The following B3GALT1 variants were observed in gnomAD, a reference collection of about 807,000 sequenced individuals.
B3GALT1 encodes the protein beta-1,3-galactosyltransferase 1, also known as UDP-Gal:betaGlcNAc beta 1,3-galactosyltransferase, polypeptide 1.
Under a neutral mutation model 23.2 loss-of-function variants are expected in B3GALT1, and 10 were observed. That is an observed-to-expected ratio of 0.43 (90% confidence interval 0.27 to 0.73). The LOEUF (loss-of-function observed/expected upper bound fraction) is 0.73. Among genes scored for constraint, B3GALT1 ranks in the 30% least tolerant of loss-of-function variants. The probability of loss-of-function intolerance (pLI) is 0.21; values close to 1 mark genes in which losing one functional copy is unlikely to be tolerated. For synonymous variants in B3GALT1, 156 were observed against 141.5 expected, an observed-to-expected ratio of 1.10 and a Z score of -0.73; for missense variants, 299 against 405.4, an observed-to-expected ratio of 0.74 and a Z score of 2.25.
intron 1 of B3GALT1, among the ~76,000 whole-genome samples, chr2:167,339,715 C>T (rs1053909674): frequency 1.3e-5 from 2 of 151,434 alleles, no homozygotes; most frequent in Non-Finnish European, 2.9e-5. Flanking sequence ...ATAAGCTTCC[C>T]ATTTCGAAGA....
intron 3 of B3GALT1, among the ~76,000 whole-genome samples, chr2:167,733,689 G>A (rs1372668704): frequency 6.6e-6 from 1 of 152,212 alleles, no homozygotes; most frequent in Non-Finnish European, 1.5e-5. Context: ...TGGAAGGCTA[G>A]TTGCTGATGA....
At chr2:167,537,362 A>G (rs1019104367) in intron 2 of B3GALT1, among the ~76,000 whole-genome samples, 1 of 152,190 alleles carries the variant, frequency 6.6e-6, no homozygotes, top group Admixed American at 6.5e-5. Flanking sequence ...GGGTGGGGAC[A>G]CAGCCAAACC....
chr2:167,369,770 T>C (rs1697650724), intron 1 of B3GALT1, among the ~76,000 whole-genome samples: 1 of 152,224 alleles, frequency 6.6e-6, no homozygotes, highest in Non-Finnish European at 1.5e-5. Context: ...ATATTAAGTA[T>C]AATCGTGGTT....
At chr2:167,435,478 C>CT (rs1698770865) in intron 1 of B3GALT1, among the ~76,000 whole-genome samples, 3 of 115,546 alleles carry the variant, frequency 2.6e-5, no homozygotes, top group African/African-American at 9.7e-5. Context: ...GAAATATATG[C>CT]TTTTTAAATA....
chr2:167,440,204 G>A (rs536932559), intron 1 of B3GALT1, among the ~76,000 whole-genome samples: 149 of 151,866 alleles, frequency 9.8e-4, no homozygotes, highest in African/African-American at 3.3e-3. Context: ...TTAGCCAGGC[G>A]TGGTGGCGGG....
chr2:167,489,750 A>G (rs1455406405), intron 1 of B3GALT1, among the ~76,000 whole-genome samples: 2 of 152,178 alleles, frequency 1.3e-5, no homozygotes, highest in Admixed American at 6.5e-5. Context: ...AGCAGAGTAA[A>G]GCAACAAGAC....
rs1699825151 is a variant in B3GALT1 at position 167,499,654 on chromosome 2, C to G, written c.-410+9377C>G. ...AAACAGAAATCTTAATTTTTATAAG[C>G]ACAGAAATATGCATGGATTTTTCCC... On this transcript the variant is annotated intron_variant, in intron 2 of 4. Transcript: ENST00000392690. 2.0e-5 allele frequency among the ~76,000 whole-genome samples: 3 copies of G among 152,060 alleles called. No homozygotes were observed. The South Asian group carries it at 6.2e-4, about 32-fold the overall frequency.
At chr2:167,851,263 G>A (rs983119316) in intron 4 of B3GALT1, among the ~76,000 whole-genome samples, 3 of 152,014 alleles carry the variant, frequency 2.0e-5, no homozygotes, top group Non-Finnish European at 2.9e-5. Context: ...AAAAATACAT[G>A]TGATTAGGTT....
intron 1 of B3GALT1, among the ~76,000 whole-genome samples, chr2:167,330,440 C>G (rs1916747): frequency 0.78 from 118,881 of 151,954 alleles, 48,431 homozygotes; most frequent in Non-Finnish European, 0.9. Context: ...GACCCTGTCT[C>G]TACAAAAAAT....
intron 2 of B3GALT1, among the ~76,000 whole-genome samples, chr2:167,628,717 A>T (rs190558546): frequency 1.3e-5 from 2 of 151,736 alleles, no homozygotes; most frequent in Admixed American, 1.3e-4. Context: ...GGGTGGAGGC[A>T]TGGGCCTGGG....
intron 3 of B3GALT1, among the ~76,000 whole-genome samples, chr2:167,720,933 T>C (rs1033741110): frequency 6.6e-6 from 1 of 152,228 alleles, no homozygotes; most frequent in Non-Finnish European, 1.5e-5. Flanking sequence ...GAATCTCACA[T>C]GAGCCATCCT....
chr2:167,589,742 A>G (rs1294111610), intron 2 of B3GALT1, among the ~76,000 whole-genome samples: 1 of 152,060 alleles, frequency 6.6e-6, no homozygotes, highest in Non-Finnish European at 1.5e-5. Flanking sequence ...AATCACCGTT[A>G]CCTACTTTAT....
chr2:167,345,388 C>A (rs1241625205), intron 1 of B3GALT1, among the ~76,000 whole-genome samples: 5 of 152,204 alleles, frequency 3.3e-5, no homozygotes, highest in Non-Finnish European at 7.4e-5. Context: ...AAAAAGATAA[C>A]TGAAGTCTTT....
intron 4 of B3GALT1, among the ~76,000 whole-genome samples, chr2:167,837,921 A>C (rs1004800631): frequency 6.6e-6 from 1 of 152,166 alleles, no homozygotes; most frequent in Non-Finnish European, 1.5e-5. Context: ...CTGCTCCTGA[A>C]TGACTACTGG....
intron 3 of B3GALT1, chr2:167,714,465 A>G: frequency 1.3e-6 from 2 of 1,597,396 alleles, no homozygotes; most frequent in South Asian, 1.1e-5. Flanking sequence ...GGAGAGAGAA[A>G]AGCTCTCGTT....
At chr2:167,600,946 T>C (rs1476149590) in intron 2 of B3GALT1, among the ~76,000 whole-genome samples, 1 of 152,248 alleles carries the variant, frequency 6.6e-6, no homozygotes, top group Non-Finnish European at 1.5e-5. Context: ...AAGTGCTGGA[T>C]TGTTTAGCCA....
intron 1 of B3GALT1, among the ~76,000 whole-genome samples, chr2:167,438,720 T>G (rs1165359075): frequency 2.6e-5 from 4 of 152,170 alleles, no homozygotes; most frequent in Admixed American, 2.6e-4. Flanking sequence ...GAGAAATAAT[T>G]AAGCATATAC....
intron 1 of B3GALT1, among the ~76,000 whole-genome samples, chr2:167,411,245 C>T (rs1698386164): frequency 6.6e-6 from 1 of 151,138 alleles, no homozygotes; most frequent in African/African-American, 2.5e-5. Context: ...ACAACAACAA[C>T]AACAACAAAA....
At chr2:167,490,067 T>G (rs1160506340) in intron 1 of B3GALT1, 110 bp from the exon 2 acceptor site, 2 of 152,200 alleles carry the variant, frequency 1.3e-5, no homozygotes, top group African/African-American at 2.4e-5. Flanking sequence ...ATGTAAGATA[T>G]GTGGAAATTT....
Sources: gnomAD v4.1 joint callset for allele counts (sites outside exome capture counted in the v4.1 genomes callset) on GRCh38, gnomAD v4.1.1 for gene constraint, MANE v1.5 for transcripts, NCBI Gene and HGNC (gene_info 2026-07-23, HGNC 2026-07-21) for gene names.